Variants in KMT2E observed in about 807,000 individuals in gnomAD.
KMT2E encodes the protein histone reader KMT2E.
In KMT2E, 30 loss-of-function variants were observed where a neutral mutation model predicts 184.6. That is an observed-to-expected ratio of 0.16 (90% CI 0.12 to 0.22). KMT2E has a LOEUF of 0.22. Ranked by LOEUF, KMT2E falls within the 10% of genes least tolerant of loss-of-function variation. KMT2E has a pLI of 1.00. For missense variants in KMT2E, 2,023 were observed against 2,237.4 expected, an observed-to-expected ratio of 0.90 and a Z score of 1.93; for synonymous variants, 815 against 776.5, an observed-to-expected ratio of 1.05 and a Z score of -0.82.
At chr7:105,093,551 GC>G (rs1216269658) in intron 15 of KMT2E, among the ~76,000 whole-genome samples, 1 of 152,136 alleles carries the variant, frequency 6.6e-6, no homozygotes, top group Non-Finnish European at 1.5e-5. Context: ...GGGCATGGTG[GC>G]ATGTGACTGT....
At chr7:105,069,353 G>T (rs1281855310) in intron 6 of KMT2E, among the ~76,000 whole-genome samples, 1 of 152,188 alleles carries the variant, frequency 6.6e-6, no homozygotes, top group Non-Finnish European at 1.5e-5. Context: ...AGAGAATAAT[G>T]TAATTAGAAT....
intron 26 of KMT2E, 139 bp downstream of exon 26, chr7:105,111,007 C>T (rs565636137): frequency 1.9e-5 from 12 of 639,060 alleles, no homozygotes; most frequent in Non-Finnish European, 3.3e-5. Context: ...GTCAGAAATA[C>T]TCAATTGTGT....
At position 105,112,323 on chromosome 7, in the gene KMT2E, C is replaced by A. The variant is rs1434287136; in HGVS notation, c.4567C>A (p.Pro1523Thr). The change falls in exon 27 of 27, where the codon CCC becomes ACC. Residue 1523 changes from proline to threonine, a missense_variant. Transcript: ENST00000311117. The stretch of plus-strand genomic sequence containing the variant: ...TTCTGGAACATTATTTACACAGACA[C>A]CCTCAGGACAATCTTCAGCAACATA... ...ATSGTLFTQTPSGQSSATYSQ... is the reference protein window; with the variant it reads ...ATSGTLFTQTTSGQSSATYSQ... The A allele has an allele frequency of 6.2e-7, 1 of 1,613,694 alleles. No homozygotes were observed. Among genetic ancestry groups the A allele is most frequent in the East Asian group, 2.2e-5 (1 of 44,894 alleles).
At chr7:105,047,681 C>G (rs1025168641) in intron 3 of KMT2E, among the ~76,000 whole-genome samples, 2 of 152,186 alleles carry the variant, frequency 1.3e-5, no homozygotes, top group Non-Finnish European at 2.9e-5. Context: ...TAACTAACTT[C>G]CCTGAAGTCA....
At chr7:105,092,374 C>T (rs564914438) in intron 15 of KMT2E, among the ~76,000 whole-genome samples, 117 of 152,192 alleles carry the variant, frequency 7.7e-4, no homozygotes, top group African/African-American at 2.8e-3. Context: ...TGCACTCCAA[C>T]CTGGGTGACA....
Position 105,112,148 on chromosome 7 carries a change from T to C in KMT2E, c.4392T>C (p.Tyr1464=). 6.2e-7 allele frequency: 1 copy of C among 1,614,178 alleles called. No homozygotes were observed. Among genetic ancestry groups the C allele is most frequent in the African/African-American group, 1.3e-5 (1 of 75,034 alleles). The change falls in exon 27 of 27, where the codon TAT becomes TAC. Residue 1464 remains tyrosine, a synonymous_variant. Transcript: ENST00000311117. The stretch of plus-strand genomic sequence containing the variant: ...CTCACACACCTGTACAGCATGGTTA[T>C]CTTTCACCAAAGCCTCCTTCACAGC... ...STPHTPVQHG[Y]LSPKPPSQQL...
intron 15 of KMT2E, among the ~76,000 whole-genome samples, chr7:105,099,163 T>G (rs1257608384): frequency 6.6e-6 from 1 of 152,220 alleles, no homozygotes; most frequent in East Asian, 1.9e-4. Context: ...AATATTTGTG[T>G]ATTTTAAGAT....
At chr7:105,068,027 A>G (rs1584753018) in intron 6 of KMT2E, among the ~76,000 whole-genome samples, 1 of 152,266 alleles carries the variant, frequency 6.6e-6, no homozygotes, top group South Asian at 2.1e-4. Flanking sequence ...TCTCTGGCTC[A>G]CCCAGCCATT....
At position 105,073,649 on chromosome 7, in the gene KMT2E, A is replaced by G. The variant is rs920154238; in HGVS notation, c.528A>G (p.Leu176=). The change falls in exon 7 of 27, where the codon CTA becomes CTG. Residue 176 remains leucine, a synonymous_variant. Transcript: ENST00000311117. ...RNLDKERAVL[L]QRRKRENMSD... Reference sequence around the variant, plus strand: ...TGGATAAAGAGAGGGCAGTGCTACTACAACGCCGGAAAAGGGAAAATATGT... The same window carrying G: ...TGGATAAAGAGAGGGCAGTGCTACTGCAACGCCGGAAAAGGGAAAATATGT... 2.5e-6 allele frequency: 4 copies of G among 1,606,896 alleles called. No homozygotes were observed. The African/African-American group carries it at 4.0e-5, about 16-fold the overall frequency.
chr7:105,062,407 C>A, intron 4 of KMT2E, 129 bp downstream of exon 4: 1 of 538,750 alleles, frequency 1.9e-6, no homozygotes, highest in Non-Finnish European at 3.2e-6. Flanking sequence ...AATAATTAGG[C>A]GTTTAATTTT....
At chr7:105,080,404 C>G (rs1196883452) in intron 12 of KMT2E, among the ~76,000 whole-genome samples, 1 of 146,446 alleles carries the variant, frequency 6.8e-6, no homozygotes, top group Admixed American at 6.7e-5. Flanking sequence ...TTTTTCCTCT[C>G]TTTTCTTTTT....
chr7:105,093,090 G>A (rs886819470), intron 15 of KMT2E, among the ~76,000 whole-genome samples: 1 of 152,036 alleles, frequency 6.6e-6, no homozygotes, highest in Non-Finnish European at 1.5e-5. Flanking sequence ...AGCTATTCAG[G>A]GTGCTGAAGC....
At chr7:105,076,918 G>A (rs756428745) in intron 9 of KMT2E, 45 bp from the exon 10 acceptor site, 5 of 895,946 alleles carry the variant, frequency 5.6e-6, no homozygotes, top group Non-Finnish European at 9.1e-6. Flanking sequence ...GTGTGTGTGT[G>A]TAAGTCCGTA....
chr7:105,072,318 T>A (rs1426533119), intron 6 of KMT2E, among the ~76,000 whole-genome samples: 1 of 152,048 alleles, frequency 6.6e-6, no homozygotes, highest in African/African-American at 2.4e-5. Flanking sequence ...AGAGCGAGAC[T>A]CCGTCTCAAA....
At chr7:105,031,991 C>G (rs1795439346) in intron 1 of KMT2E, among the ~76,000 whole-genome samples, 1 of 143,620 alleles carries the variant, frequency 7.0e-6, no homozygotes, top group African/African-American at 2.6e-5. Flanking sequence ...TCTCTTGAAC[C>G]CAGGAGACAG....
At chr7:105,106,164 T>TA (rs1798890740) in intron 19 of KMT2E, among the ~76,000 whole-genome samples, 161 bp downstream of exon 19, 1 of 152,226 alleles carries the variant, frequency 6.6e-6, no homozygotes, top group Non-Finnish European at 1.5e-5. Flanking sequence ...TGGCTGAAGA[T>TA]ACCAGTTCAC....
In KMT2E at chr7:105,108,463, A is replaced by G. The variant is rs1247544576; in HGVS notation, c.3469-479A>G. Reference sequence around the variant, plus strand: ...AGAATGCCTTATTTCAAAAGAAACTATAGCACTTATTTTGTTAGTAGGCTT... The same window carrying G: ...AGAATGCCTTATTTCAAAAGAAACTGTAGCACTTATTTTGTTAGTAGGCTT... On this transcript the variant is annotated intron_variant, in intron 22 of 26. Coordinates refer to ENST00000311117, the MANE Select transcript of KMT2E (RefSeq NM_182931.3). 1.4e-5 allele frequency: 6 copies of G among 414,082 alleles called. 1 individual carries two copies. The highest frequency in any genetic ancestry group is 1.4e-5 in the Non-Finnish European group (3 of 207,376). 25.7% of individuals were successfully genotyped at this position (414,082 alleles called of 1,614,324 possible). A position where few individuals can be genotyped will look rare whatever the true frequency, so the allele number is the denominator to read the frequency against.
chr7:105,098,776 T>G (rs1798529400), intron 15 of KMT2E, among the ~76,000 whole-genome samples: 1 of 152,166 alleles, frequency 6.6e-6, no homozygotes, highest in Admixed American at 6.5e-5. Context: ...TATAGGAAAT[T>G]ACAATGCTTG....
At chr7:105,082,987 G>A (rs1035110800) in intron 13 of KMT2E, among the ~76,000 whole-genome samples, 1 of 152,114 alleles carries the variant, frequency 6.6e-6, no homozygotes, top group African/African-American at 2.4e-5. Flanking sequence ...CTCTGGTGTG[G>A]TGTCTATTAG....
Sources: allele counts gnomAD v4.1 joint callset (sites outside exome capture counted in the v4.1 genomes callset), GRCh38; gene constraint gnomAD v4.1.1; transcripts MANE v1.5; gene names NCBI Gene and HGNC (gene_info 2026-07-23, HGNC 2026-07-21).